Variants in KIAA1671 observed in about 807,000 individuals in gnomAD.
KIAA1671 encodes KIAA1671.
KIAA1671 carries 52 observed loss-of-function variants against 131.2 expected under a neutral mutation model. The observed-to-expected ratio is 0.40, with a 90% CI of 0.32 to 0.50. KIAA1671 has a LOEUF of 0.50. KIAA1671 is among the 20% of genes least tolerant of loss of function. The pLI, the probability that KIAA1671 is intolerant of heterozygous loss-of-function variation, is 0.73. For synonymous variants in KIAA1671, 1,003 were observed against 961.6 expected (o/e 1.04, Z -0.80); for missense variants, 2,360 against 2,364.2 (o/e 1.00, Z 0.04).
At chr22:25,115,094 G>GATAAAAGGGGGAAAGAGGGAA (rs2145919881) in intron 6 of KIAA1671, among the ~76,000 whole-genome samples, 1 of 152,340 alleles carries the variant, frequency 6.6e-6, no homozygotes, top group South Asian at 2.1e-4. Flanking sequence ...GTGTCCAAGG[G>GATAAAAGGGGGAAAGAGGGAA]ATAAAAGGGG....
chr22:25,123,941 T>G (rs924345789), intron 6 of KIAA1671, among the ~76,000 whole-genome samples: 2 of 152,246 alleles, frequency 1.3e-5, no homozygotes, highest in African/African-American at 4.8e-5. Context: ...CCAGGGAGTA[T>G]TATTTAATGC....
chr22:25,144,057 T>G (rs568674860), intron 6 of KIAA1671, among the ~76,000 whole-genome samples: 1 of 152,218 alleles, frequency 6.6e-6, no homozygotes, highest in African/African-American at 2.4e-5. Flanking sequence ...ACAGTACCAA[T>G]GTCATAGAAT....
At chr22:25,022,625 G>A (rs1475952425) in intron 1 of KIAA1671, 5 of 152,146 alleles carry the variant, frequency 3.3e-5, no homozygotes, top group African/African-American at 9.7e-5. Flanking sequence ...ATTAAGCTTG[G>A]GGAGATCAAG....
intron 3 of KIAA1671, among the ~76,000 whole-genome samples, chr22:25,032,297 T>G (rs897766812): frequency 6.6e-6 from 1 of 151,418 alleles, no homozygotes; most frequent in Non-Finnish European, 1.5e-5. Context: ...GATGGGGAGG[T>G]GTTAATTATC....
Position 25,174,489 on chromosome 22 carries a change from T to C in KIAA1671, c.4899T>C (p.Asp1633=). The part of the protein sequence containing the change: ...EKRVDDFSFI[D]QTSVLDSSAL... ...GAGTAGATGACTTCTCCTTCATTGA[T>C]GTAAGTCAGTGGCCAGGAGCATTTC... Residue 1633 remains aspartate (D), a splice_region_variant and synonymous_variant, in exon 8 of 13, where the codon GAT becomes GAC. Coordinates refer to ENST00000358431, the MANE Select transcript of KIAA1671 (RefSeq NM_001145206.2). 8 of 1,507,864 alleles carry C rather than the reference T, an allele frequency of 5.3e-6. No individual in the cohort carries two copies. Among genetic ancestry groups the C allele is most frequent in the Non-Finnish European group, 7.1e-6 (8 of 1,122,746 alleles). 93.4% of individuals were successfully genotyped at this position (1,507,864 alleles called of 1,614,324 possible).
At chr22:25,030,830 G>A (rs16979452) in intron 3 of KIAA1671, among the ~76,000 whole-genome samples, 5,538 of 152,234 alleles carry the variant, frequency 0.036, 314 homozygotes, top group African/African-American at 0.13. Flanking sequence ...CTTTGTCCAG[G>A]GTGGAGCTTG....
intron 1 of KIAA1671, among the ~76,000 whole-genome samples, chr22:24,994,229 CCTT>C (rs1443394894): frequency 6.6e-6 from 1 of 152,154 alleles, no homozygotes; most frequent in East Asian, 1.9e-4. Context: ...CCAAGCCAGT[CCTT>C]CTATTGTGAG....
chr22:25,029,270 A>G lies in KIAA1671; in HGVS notation c.1271A>G (p.Glu424Gly), dbSNP rs981388452. 6.7e-7 allele frequency: 1 copy of G among 1,500,702 alleles called. No homozygotes were observed. Among genetic ancestry groups the G allele is most frequent in the East Asian group, 2.5e-5 (1 of 40,434 alleles). 93.0% of individuals were successfully genotyped at this position (1,500,702 alleles called of 1,614,324 possible). ...AEVKSRVADG[E>G]AAAGGEWASR... Reference sequence around the variant, plus strand: ...GTTAAGAGCAGAGTGGCGGATGGGGAGGCCGCGGCAGGGGGAGAGTGGGCC... The same window carrying G: ...GTTAAGAGCAGAGTGGCGGATGGGGGGGCCGCGGCAGGGGGAGAGTGGGCC... Residue 424 changes from glutamate to glycine, a missense_variant, in exon 3 of 13, where the codon GAG (glutamate) becomes GGG (glycine). Glu to Gly is a moderately conservative substitution (Grantham distance 98). Coordinates refer to ENST00000358431, the MANE Select transcript of KIAA1671 (RefSeq NM_001145206.2).
intron 5 of KIAA1671, among the ~76,000 whole-genome samples, chr22:25,046,798 T>A (rs1367575782): frequency 5.3e-5 from 8 of 152,132 alleles, no homozygotes; most frequent in African/African-American, 1.9e-4. Flanking sequence ...ACACAGGGAA[T>A]CCTAAAAGAT....
At chr22:25,117,660 G>A (rs1931744493) in intron 6 of KIAA1671, among the ~76,000 whole-genome samples, 1 of 149,930 alleles carries the variant, frequency 6.7e-6, no homozygotes, top group Non-Finnish European at 1.5e-5. Flanking sequence ...CAGCAAGTGG[G>A]GGAGAATTGC....
chr22:24,954,453 G>A (rs1921584117), intron 1 of KIAA1671, among the ~76,000 whole-genome samples: 1 of 152,170 alleles, frequency 6.6e-6, no homozygotes, highest in Admixed American at 6.5e-5. Flanking sequence ...CTTGACAAGG[G>A]TGCAATTACC....
intron 1 of KIAA1671, among the ~76,000 whole-genome samples, chr22:25,007,613 C>T (rs1183855321): frequency 6.6e-6 from 1 of 152,034 alleles, no homozygotes; most frequent in African/African-American, 2.4e-5. Context: ...GGTGACAGAC[C>T]CTCTCCATAA....
Position 25,039,879 on chromosome 22 carries a change from G to A in KIAA1671, c.2749G>A (p.Ala917Thr), listed in dbSNP as rs1253901598. ...GCAGAAAGGGCCCTTCATTGTAGCCGCCAGGGAGGGTGATCCAGGGCCGGC... is the reference window on the plus strand; with the variant it reads ...GCAGAAAGGGCCCTTCATTGTAGCCACCAGGGAGGGTGATCCAGGGCCGGC... ...AVQKGPFIVAAREGDPGPAQV... is the reference protein window; with the variant it reads ...AVQKGPFIVATREGDPGPAQV... The change falls in exon 5 of 13, where the codon GCC becomes ACC. Residue 917 changes from alanine (A) to threonine (T), a missense_variant. Ala to Thr is a moderately conservative substitution (Grantham distance 58). Transcript: ENST00000358431. 1.0e-5 allele frequency: 16 copies of A among 1,551,374 alleles called. No individual in the cohort carries two copies. Among genetic ancestry groups the A allele is most frequent in the African/African-American group, 1.4e-5 (1 of 73,064 alleles).
chr22:25,128,630 C>A (rs1226417396), intron 6 of KIAA1671, among the ~76,000 whole-genome samples: 1 of 152,114 alleles, frequency 6.6e-6, no homozygotes, highest in Non-Finnish European at 1.5e-5. Context: ...GTTCTCACTC[C>A]CCTAATTGGT....
intron 6 of KIAA1671, among the ~76,000 whole-genome samples, chr22:25,101,766 C>T (rs915864617): frequency 6.6e-6 from 1 of 152,144 alleles, no homozygotes; most frequent in African/African-American, 2.4e-5. Flanking sequence ...TCCTTCATCT[C>T]ACACAGTGGG....
chr22:25,104,306 T>C (rs1349139542), intron 6 of KIAA1671, among the ~76,000 whole-genome samples: 6 of 152,186 alleles, frequency 3.9e-5, no homozygotes, highest in African/African-American at 1.2e-4. Context: ...ATAATATTAG[T>C]GTACCTCTTA....
chr22:25,037,622 A>C (rs1280624914), intron 4 of KIAA1671, among the ~76,000 whole-genome samples: 2 of 151,894 alleles, frequency 1.3e-5, no homozygotes, highest in Admixed American at 1.3e-4. Flanking sequence ...ATCTTCTATC[A>C]CCTCAAATGG....
intron 6 of KIAA1671, chr22:25,051,287 T>A (rs1927519605): frequency 6.6e-6 from 1 of 152,200 alleles, no homozygotes; most frequent in Admixed American, 6.5e-5. Context: ...CAACAGCCCA[T>A]CCTAGAGGGA....
At chr22:24,953,474 C>T (rs899645381) in intron 1 of KIAA1671, among the ~76,000 whole-genome samples, 1 of 152,042 alleles carries the variant, frequency 6.6e-6, no homozygotes, top group Non-Finnish European at 1.5e-5. Context: ...CCGGACACGT[C>T]CTCTCGGCCT....
Sources: allele counts gnomAD v4.1 joint callset (sites outside exome capture counted in the v4.1 genomes callset), GRCh38; gene constraint gnomAD v4.1.1; transcripts MANE v1.5; gene names NCBI Gene and HGNC (gene_info 2026-07-23, HGNC 2026-07-21).